Variants in FGF12 observed in about 807,000 individuals in gnomAD.
The protein encoded by FGF12 is fibroblast growth factor 12B.
Under a neutral mutation model 23.6 loss-of-function variants are expected in FGF12, and 14 were observed. The ratio of observed to expected loss-of-function variants is 0.59; its 90% CI spans 0.39 to 0.93. FGF12 has a LOEUF of 0.93. Ranked by LOEUF, FGF12 falls within the 40% of genes least tolerant of loss-of-function variation. The probability of loss-of-function intolerance (pLI) is 0.00; values close to 1 mark genes in which losing one functional copy is unlikely to be tolerated. For missense variants in FGF12, 175 were observed against 217.8 expected, an observed-to-expected ratio of 0.80 and a Z score of 1.24; for synonymous variants, 62 against 77.3, an observed-to-expected ratio of 0.80 and a Z score of 1.04.
chr3:192,719,802 A>AAC (rs577895494), intron 2 of FGF12, among the ~76,000 whole-genome samples: 32,392 of 138,582 alleles, frequency 0.23, 4,003 homozygotes, highest in East Asian at 0.4. Context: ...AAAAAAAAAA[A>AAC]AAGAAAAACA....
chr3:192,485,213 A>G (rs770598958), intron 2 of FGF12, among the ~76,000 whole-genome samples: 4 of 152,286 alleles, frequency 2.6e-5, no homozygotes, highest in African/African-American at 4.8e-5. Flanking sequence ...CATCTGAGCA[A>G]TGACTTTATT....
intron 2 of FGF12, among the ~76,000 whole-genome samples, chr3:192,478,118 T>C (rs1323036104): frequency 6.6e-6 from 1 of 152,180 alleles, no homozygotes; most frequent in Non-Finnish European, 1.5e-5. Flanking sequence ...TCTGTAACCC[T>C]GGGCAAGTCT....
chr3:192,616,619 C>A (rs188450594), intron 2 of FGF12, among the ~76,000 whole-genome samples: 2 of 151,816 alleles, frequency 1.3e-5, no homozygotes, highest in East Asian at 3.9e-4. Context: ...GTAATATGGG[C>A]AGTGATATTT....
intron 4 of FGF12, among the ~76,000 whole-genome samples, chr3:192,267,791 G>C (rs557108217): frequency 6.6e-6 from 1 of 151,968 alleles, no homozygotes; most frequent in Non-Finnish European, 1.5e-5. Context: ...AATTTTATAG[G>C]ACATTTTAAA....
chr3:192,299,331 C>A (rs1464974725), intron 4 of FGF12, among the ~76,000 whole-genome samples: 1 of 152,108 alleles, frequency 6.6e-6, no homozygotes, highest in Non-Finnish European at 1.5e-5. Context: ...ATTTGTGTTG[C>A]TGAGAAATTC....
intron 2 of FGF12, among the ~76,000 whole-genome samples, chr3:192,517,957 A>G (rs1463646403): frequency 6.6e-6 from 1 of 152,152 alleles, no homozygotes; most frequent in African/African-American, 2.4e-5. Flanking sequence ...TAACATCCCA[A>G]AAAAGACAAA....
intron 2 of FGF12, among the ~76,000 whole-genome samples, chr3:192,415,345 T>C (rs573600235): frequency 5.9e-4 from 90 of 152,236 alleles, no homozygotes; most frequent in Non-Finnish European, 1.0e-3. Flanking sequence ...GACAGGGCCA[T>C]TGTCTATTTT....
At chr3:192,590,798 CT>C (rs2108622009) in intron 2 of FGF12, among the ~76,000 whole-genome samples, 3 of 151,782 alleles carry the variant, frequency 2.0e-5, no homozygotes, top group African/African-American at 7.2e-5. Flanking sequence ...GATTTTAAAC[CT>C]CTCAAAAGTG....
At chr3:192,640,168 GT>G (rs1390995443) in intron 2 of FGF12, among the ~76,000 whole-genome samples, 6 of 152,082 alleles carry the variant, frequency 3.9e-5, no homozygotes, top group Non-Finnish European at 7.4e-5. Context: ...TAATAAATGT[GT>G]GCTGTATTTG....
At chr3:192,600,558 A>T (rs550993877) in intron 2 of FGF12, among the ~76,000 whole-genome samples, 92 of 152,264 alleles carry the variant, frequency 6.0e-4, no homozygotes, top group African/African-American at 2.2e-3. Flanking sequence ...ACAACAGAAG[A>T]TTAATGTCCA....
At chr3:192,449,011 A>G (rs1056955400) in intron 2 of FGF12, among the ~76,000 whole-genome samples, 2 of 152,210 alleles carry the variant, frequency 1.3e-5, no homozygotes, top group Non-Finnish European at 2.9e-5. Context: ...TAGCAACAGT[A>G]TATTTTTGTA....
At chr3:192,657,341 C>T (rs1361718124) in intron 2 of FGF12, among the ~76,000 whole-genome samples, 1 of 151,358 alleles carries the variant, frequency 6.6e-6, no homozygotes, top group Non-Finnish European at 1.5e-5. Context: ...TAGAGTTTTT[C>T]TGTCTGATTT....
In FGF12 at chr3:192,170,579, G is replaced by A. The variant is rs1715496017; in HGVS notation, c.306C>T (p.Tyr102=). 1 of 1,613,800 alleles carries A rather than the reference G, an allele frequency of 6.2e-7. No homozygotes were observed. The highest frequency in any genetic ancestry group is 1.7e-5 in the Admixed American group (1 of 59,974). ...NYYVIYSSTL[Y]RQQESGRAWF... is the part of the protein sequence containing the mutation. The stretch of plus-strand genomic sequence containing the variant: ...AAGCTCGGCCTGATTCTTGCTGGCG[G>A]TACAGTGTGGAAGAATAGATCACAT... Residue 102 remains tyrosine (Y), a synonymous_variant, in exon 5 of 6, where the codon TAC becomes TAT. Coordinates refer to ENST00000445105, the MANE Select transcript of FGF12 (RefSeq NM_004113.6).
intron 4 of FGF12, among the ~76,000 whole-genome samples, chr3:192,196,105 T>A (rs1717055715): frequency 6.6e-6 from 1 of 152,168 alleles, no homozygotes; most frequent in South Asian, 2.1e-4. Flanking sequence ...AGTGCGATAA[T>A]GTGGTATTTG....
intron 2 of FGF12, among the ~76,000 whole-genome samples, chr3:192,504,941 G>T (rs1724251290): frequency 6.6e-6 from 1 of 151,980 alleles, no homozygotes; most frequent in Admixed American, 6.6e-5. Flanking sequence ...CAGTTGTCTG[G>T]AACTCAGAAT....
intron 2 of FGF12, among the ~76,000 whole-genome samples, chr3:192,458,580 C>G (rs1293900579): frequency 2.0e-5 from 3 of 152,160 alleles, no homozygotes; most frequent in South Asian, 4.1e-4. Context: ...TTTGGAATGG[C>G]TGTATTTACC....
intron 5 of FGF12, among the ~76,000 whole-genome samples, chr3:192,167,792 T>TTTTGAGAAAGAATCTTGCTTTG: frequency 8.6e-6 from 1 of 116,066 alleles, no homozygotes; most frequent in Non-Finnish European, 1.8e-5. Context: ...TTTTTTTTTT[T>TTTTGAGAAAGAATCTTGCTTTG]TGAGAAAGAA....
chr3:192,671,946 T>C (rs998969798), intron 2 of FGF12, among the ~76,000 whole-genome samples: 5 of 152,202 alleles, frequency 3.3e-5, no homozygotes, highest in Non-Finnish European at 7.3e-5. Context: ...AATAAAACTA[T>C]CACCATAGCA....
At position 192,580,538 on chromosome 3, in the gene FGF12, G is replaced by A. The variant is rs756006321; in HGVS notation, c.13+146643C>T. Among the ~76,000 whole-genome samples the A allele has an allele frequency of 2.7e-4, 41 of 152,152 alleles. 1 individual carries two copies. Among genetic ancestry groups the A allele is most frequent in the Non-Finnish European group, 8.8e-5 (6 of 68,024 alleles). On this transcript the variant is annotated intron_variant, in intron 2 of 5. Coordinates refer to ENST00000445105, the MANE Select transcript of FGF12 (RefSeq NM_004113.6). The stretch of plus-strand genomic sequence containing the variant: ...TAGTTTATGTCTGAGAGGAAAATTG[G>A]TCTATGTCCCACATGTGGGGCTTTT...
Sources: allele counts gnomAD v4.1 joint callset (sites outside exome capture counted in the v4.1 genomes callset), GRCh38; gene constraint gnomAD v4.1.1; transcripts MANE v1.5; gene names NCBI Gene and HGNC (gene_info 2026-07-23, HGNC 2026-07-21).